The following ABCA13 variants were observed in gnomAD, a reference collection of about 807,000 sequenced individuals.
The protein encoded by ABCA13 is ATP binding cassette subfamily A member 13, also known as ATP-binding cassette sub-family A member 13.
ABCA13 carries 476 observed loss-of-function variants against 478.7 expected under a neutral mutation model. The observed-to-expected ratio is 0.99, with a 90% CI of 0.92 to 1.07. The LOEUF (loss-of-function observed/expected upper bound fraction) is 1.07. Among genes scored for constraint, ABCA13 ranks in the 50% least tolerant of loss-of-function variants. The pLI is 0.00. For synonymous variants in ABCA13, 2,252 were observed against 2,158.9 expected, an observed-to-expected ratio of 1.04 and a Z score of -1.20; for missense variants, 6,060 against 5,910.6, an observed-to-expected ratio of 1.03 and a Z score of -0.83.
At chr7:48,425,930 A>G (rs1248854104) in intron 41 of ABCA13, among the ~76,000 whole-genome samples, 8 of 151,728 alleles carry the variant, frequency 5.3e-5, no homozygotes, top group Admixed American at 5.2e-4. Flanking sequence ...TTTAGTAGAG[A>G]CGAGGTTTCA....
At chr7:48,186,808 C>A (rs891497708) in intron 1 of ABCA13, among the ~76,000 whole-genome samples, 20 of 151,894 alleles carry the variant, frequency 1.3e-4, no homozygotes, top group African/African-American at 4.1e-4. Flanking sequence ...ATTCTTTTAG[C>A]AGGAATGCCC....
intron 54 of ABCA13, among the ~76,000 whole-genome samples, chr7:48,526,987 A>G (rs911163929): frequency 6.6e-6 from 1 of 152,284 alleles, no homozygotes; most frequent in South Asian, 2.1e-4. Context: ...ATTTTTGTAT[A>G]TATTAAAGTA....
At chr7:48,203,292 C>T (rs1160923709) in intron 3 of ABCA13, among the ~76,000 whole-genome samples, 2 of 152,230 alleles carry the variant, frequency 1.3e-5, no homozygotes, top group African/African-American at 4.8e-5. Context: ...CCGCTCGCGC[C>T]TCTCCCTCCA....
At chr7:48,389,352 C>G (rs780579070) in intron 37 of ABCA13, 132 bp downstream of exon 37, 1 of 1,043,698 alleles carries the variant, frequency 9.6e-7, no homozygotes. Context: ...TTTAGAGACA[C>G]GGGTGAAAGG....
intron 45 of ABCA13, among the ~76,000 whole-genome samples, chr7:48,479,739 A>T (rs1290689226): frequency 6.6e-6 from 1 of 152,144 alleles, no homozygotes; most frequent in Non-Finnish European, 1.5e-5. Context: ...GTCTTGCTGA[A>T]TTATTATGTA....
In ABCA13 at chr7:48,275,005, G is replaced by A; in HGVS notation, c.5339G>A (p.Gly1780Asp). 6.2e-7 allele frequency: 1 copy of A among 1,613,848 alleles called. No individual in the cohort carries two copies. The highest frequency in any genetic ancestry group is 8.5e-7 in the Non-Finnish European group (1 of 1,179,854). The change falls in exon 17 of 62, where the codon GGC (glycine) becomes GAC (aspartate). Residue 1780 changes from glycine to aspartate, a missense_variant. This residue lies in a region of ABCA13 where 4,423 missense variants were observed against 4,309.1 expected (regional missense o/e 1.03). Coordinates refer to ENST00000435803, the MANE Select transcript of ABCA13 (RefSeq NM_152701.5). The part of the protein sequence containing the change: ...KDVYSFTLLH[G>D]ITISNITKED... ...GTCTACAGCTTCACACTCCTTCATG[G>A]CATAACCATTTCAAATATCACCAAG...
intron 41 of ABCA13, among the ~76,000 whole-genome samples, chr7:48,426,834 T>A (rs1821488409): frequency 6.6e-6 from 1 of 152,178 alleles, no homozygotes; most frequent in African/African-American, 2.4e-5. Context: ...GCCTGGCACT[T>A]TACAGCCATC....
intron 2 of ABCA13, among the ~76,000 whole-genome samples, chr7:48,196,569 C>T (rs902717221): frequency 1.1e-4 from 17 of 152,172 alleles, no homozygotes; most frequent in Non-Finnish European, 1.3e-4. Flanking sequence ...CACTCAGCAC[C>T]AGCCTGGCAT....
intron 55 of ABCA13, among the ~76,000 whole-genome samples, chr7:48,565,629 T>C (rs1786973626): frequency 6.6e-6 from 1 of 151,788 alleles, no homozygotes; most frequent in Non-Finnish European, 1.5e-5. Flanking sequence ...CCAGACTCCA[T>C]CTCAAAACAA....
chr7:48,646,876 ATTG>A lies in ABCA13; in HGVS notation c.*1369_*1371del, dbSNP rs2131715269. Reference sequence around the variant, plus strand: ...TTGTAAAAATTATGTCATTCTCAGAATTGTTGTCTTCAAAGCATTGTCAGATGT... The same window carrying A: ...TTGTAAAAATTATGTCATTCTCAGAATTGTCTTCAAAGCATTGTCAGATGT... On this transcript the variant is annotated 3_prime_UTR_variant, in exon 62 of 62. Transcript: ENST00000435803. The A allele has an allele frequency of 6.6e-6, 1 of 152,258 alleles. No homozygotes were observed. Among genetic ancestry groups the A allele is most frequent in the Non-Finnish European group, 1.5e-5 (1 of 68,018 alleles). The allele number at this position is 152,258 out of a possible 1,614,324, so 9.4% of individuals were successfully genotyped here.
intron 59 of ABCA13, among the ~76,000 whole-genome samples, chr7:48,639,818 A>G (rs1457151614): frequency 6.6e-6 from 1 of 152,250 alleles, no homozygotes; most frequent in Non-Finnish European, 1.5e-5. Flanking sequence ...TGTGACAAAA[A>G]GTTCCTAAAT....
chr7:48,415,546 C>T (rs915451356), intron 41 of ABCA13, among the ~76,000 whole-genome samples: 1 of 152,116 alleles, frequency 6.6e-6, no homozygotes, highest in Non-Finnish European at 1.5e-5. Context: ...GAGTGTTCAC[C>T]CCCAATGTAT....
At chr7:48,442,197 C>T (rs976427546) in intron 42 of ABCA13, among the ~76,000 whole-genome samples, 2 of 152,224 alleles carry the variant, frequency 1.3e-5, no homozygotes, top group African/African-American at 2.4e-5. Context: ...CATGTGTAAG[C>T]GCTTCAAGAA....
rs1563209196 is a variant in ABCA13, at chr7:48,411,065, CTTTCTTTTTCTTTCTTTCTCTCCTT to C, written c.12228+390_12228+414del. Among the ~76,000 whole-genome samples, 46 of 118,658 alleles carry C rather than the reference CTTTCTTTTTCTTTCTTTCTCTCCTT, an allele frequency of 3.9e-4. 3 individuals are homozygous for C. Among genetic ancestry groups the C allele is most frequent in the Non-Finnish European group, 5.9e-4 (33 of 56,226 alleles). The allele number at this position is 118,658 out of a possible 152,430, so 77.8% of individuals were successfully genotyped here. A position where few individuals can be genotyped will look rare whatever the true frequency, so the allele number is the denominator to read the frequency against. ...TTTCTTTCTTTTTCTTTCTTTCTTT[CTTTCTTTTTCTTTCTTTCTCTCCTT>C]TCCTTTCCTTTCCTTTTCTTTTTCT... is the stretch of plus-strand genomic sequence containing the variant. On this transcript the variant is annotated intron_variant, in intron 40 of 61. Transcript: ENST00000435803.
intron 29 of ABCA13, among the ~76,000 whole-genome samples, chr7:48,339,659 A>G (rs961678562): frequency 2.0e-5 from 3 of 152,226 alleles, no homozygotes; most frequent in Admixed American, 2.0e-4. Context: ...GAAATTTAGA[A>G]CTTTTCCTAC....
Position 48,646,666 on chromosome 7 carries a change from CA to C in ABCA13, c.*1155del, listed in dbSNP as rs1795454867. The C allele has an allele frequency of 5.3e-5, 8 of 152,224 alleles. No individual in the cohort carries two copies. Among genetic ancestry groups the C allele is most frequent in the South Asian group, 2.1e-4 (1 of 4,808 alleles). 9.4% of individuals were successfully genotyped at this position (152,224 alleles called of 1,614,324 possible). The stretch of plus-strand genomic sequence containing the variant: ...TCCCCAGCAGCTGGGACTACAGGCA[CA>C]CATCGCCACACCCGGCTAATTTTTA... On this transcript the variant is annotated 3_prime_UTR_variant, in exon 62 of 62. Transcript: ENST00000435803.
At chr7:48,512,830 C>G (rs1319423051) in intron 51 of ABCA13, among the ~76,000 whole-genome samples, 4 of 152,142 alleles carry the variant, frequency 2.6e-5, no homozygotes, top group Admixed American at 6.5e-5. Context: ...CAATCATAGG[C>G]AATAGGGGTT....
intron 15 of ABCA13, among the ~76,000 whole-genome samples, chr7:48,260,860 TG>T (rs1794073533): frequency 6.6e-6 from 1 of 151,984 alleles, no homozygotes; most frequent in Admixed American, 6.6e-5. Flanking sequence ...TTTTCTGTGT[TG>T]GAACTTGTTT....
At chr7:48,249,482 G>A in intron 15 of ABCA13, 131 bp downstream of exon 15, 1 of 1,188,682 alleles carries the variant, frequency 8.4e-7, no homozygotes, top group South Asian at 1.4e-5. Context: ...GCACAATTTG[G>A]CATTGTGATT....
Sources: gnomAD v4.1 joint callset for allele counts (sites outside exome capture counted in the v4.1 genomes callset) on GRCh38, gnomAD v4.1.1 for gene constraint, gnomAD v4.1.1 regional missense constraint, MANE v1.5 for transcripts, NCBI Gene and HGNC (gene_info 2026-07-23, HGNC 2026-07-21) for gene names.